The following IQUB variants were observed in gnomAD, a reference collection of about 807,000 sequenced individuals.
The protein encoded by IQUB is IQ motif and ubiquitin domain containing, also known as IQ motif and ubiquitin-like domain-containing protein.
Under a neutral mutation model 86.4 loss-of-function variants are expected in IQUB, and 86 were observed. That is an observed-to-expected ratio of 1.00 (90% CI 0.84 to 1.19). IQUB has a LOEUF of 1.19. IQUB is among the 50% of genes most tolerant of loss of function. IQUB has a pLI of 0.00. For synonymous variants in IQUB, 289 were observed against 304.5 expected (o/e 0.95, Z 0.53); for missense variants, 946 against 916.9 (o/e 1.03, Z -0.41).
intron 8 of IQUB, among the ~76,000 whole-genome samples, chr7:123,479,386 A>G (rs1794895988): frequency 6.6e-6 from 1 of 152,122 alleles, no homozygotes. Flanking sequence ...ATACTAGTCT[A>G]TAGCTATTTC....
chr7:123,524,978 G>A (rs1270992044), intron 1 of IQUB, among the ~76,000 whole-genome samples: 2 of 151,808 alleles, frequency 1.3e-5, no homozygotes, highest in African/African-American at 2.4e-5. Flanking sequence ...TTTGTCTTTG[G>A]TTCTGTTTAT....
In IQUB at chr7:123,514,908, G is replaced by A. The variant is rs183761383; in HGVS notation, c.-4-2564C>T. Among the ~76,000 whole-genome samples, 122 of 152,176 alleles carry A rather than the reference G, an allele frequency of 8.0e-4. 2 individuals are homozygous for A. The East Asian group carries it at 0.022, about 27-fold the overall frequency. ...AATAATGGCCTCCCATTCCAAGGGG[G>A]ACATATTCTTAACCTTAGACTTTGT... On this transcript the variant is annotated intron_variant, in intron 1 of 12. Coordinates refer to ENST00000324698, the MANE Select transcript of IQUB (RefSeq NM_178827.5).
intron 12 of IQUB, among the ~76,000 whole-genome samples, chr7:123,453,817 T>C (rs1444792801): frequency 6.6e-6 from 1 of 152,200 alleles, no homozygotes; most frequent in Non-Finnish European, 1.5e-5. Flanking sequence ...AAAAGTTATA[T>C]TCATTAAATT....
At chr7:123,462,684 G>T in intron 10 of IQUB, 1 of 291,992 alleles carries the variant, frequency 3.4e-6, no homozygotes, top group South Asian at 3.0e-5. Context: ...TACACATTTT[G>T]TTTATCTTGA....
At position 123,452,817 on chromosome 7, in the gene IQUB, T is replaced by C; in HGVS notation, c.2302A>G (p.Ile768Val). The C allele has an allele frequency of 7.4e-6, 12 of 1,613,692 alleles. No homozygotes were observed. The highest frequency in any genetic ancestry group is 2.2e-5 in the South Asian group (2 of 91,044). ...TGATACTTCCATCTGATCTCATCAA[T>C]TTCACCATCATCAAGTATAAATGAA... ...LASFILDDGEIDEIRWKYHSD... is the reference protein window; with the variant it reads ...LASFILDDGEVDEIRWKYHSD... Residue 768 changes from isoleucine to valine, a missense_variant, in exon 13 of 13, where the codon ATT becomes GTT. Ile to Val is a conservative substitution (Grantham distance 29). Coordinates refer to ENST00000324698, the MANE Select transcript of IQUB (RefSeq NM_178827.5).
rs767031909 is a variant in IQUB, at chr7:123,479,940, T to C, written c.1265A>G (p.Asn422Ser). ...FWRQEELTRI[N>S]QSFTGAERKA... is the part of the protein sequence containing the mutation. Reference sequence around the variant, plus strand: ...CCTTTCAGCTCCAGTAAAAGATTGGTTAATACGTGTAAGTTCTTCTTGCCG... The same window carrying C: ...CCTTTCAGCTCCAGTAAAAGATTGGCTAATACGTGTAAGTTCTTCTTGCCG... Residue 422 changes from asparagine to serine, a missense_variant, in exon 8 of 13, where the codon AAC (asparagine) becomes AGC (serine). By Grantham distance (46) the Asn-to-Ser change is conservative. Coordinates refer to ENST00000324698, the MANE Select transcript of IQUB (RefSeq NM_178827.5). The C allele has an allele frequency of 1.1e-5, 17 of 1,611,640 alleles. 1 individual carries two copies. The highest frequency in any genetic ancestry group is 1.7e-4 in the Middle Eastern group (1 of 6,044).
chr7:123,514,592 AT>A (rs1166775858), intron 1 of IQUB, among the ~76,000 whole-genome samples: 2 of 152,166 alleles, frequency 1.3e-5, no homozygotes, highest in African/African-American at 4.8e-5. Context: ...ACTGTTTATA[AT>A]TTGTTTATTT....
At chr7:123,501,685 CTCTTT>C (rs1207616720) in intron 6 of IQUB, 2 of 152,224 alleles carry the variant, frequency 1.3e-5, no homozygotes, top group Non-Finnish European at 2.9e-5. Flanking sequence ...CATTTCCCAT[CTCTTT>C]TAACTTTGTT....
At chr7:123,498,097 GA>G in intron 6 of IQUB, among the ~76,000 whole-genome samples, 5 of 150,816 alleles carry the variant, frequency 3.3e-5, no homozygotes, top group African/African-American at 1.2e-4. Flanking sequence ...CCCCTATCCA[GA>G]AAACTAGGTT....
intron 12 of IQUB, among the ~76,000 whole-genome samples, chr7:123,453,605 G>A (rs1793554249): frequency 1.3e-5 from 2 of 151,992 alleles, no homozygotes. Context: ...GCATGAGAGA[G>A]AAAGCTGAAG....
chr7:123,452,967 T>C (rs368934486), intron 12 of IQUB, 42 bp from the exon 13 acceptor site: 3 of 1,509,754 alleles, frequency 2.0e-6, no homozygotes, highest in African/African-American at 1.4e-5. Context: ...ATCACAGATA[T>C]ATTTTGCCAG....
chr7:123,460,970 A>C (rs1793950263), intron 11 of IQUB, among the ~76,000 whole-genome samples: 1 of 150,508 alleles, frequency 6.6e-6, no homozygotes, highest in Non-Finnish European at 1.5e-5. Context: ...CCTTTCCCTA[A>C]GGTTTTTTTT....
chr7:123,532,836 G>A (rs564505936), intron 1 of IQUB: 6 of 152,386 alleles, frequency 3.9e-5, no homozygotes, highest in African/African-American at 1.4e-4. Flanking sequence ...GCCCCGTCCC[G>A]GGCCGGGGGT....
intron 7 of IQUB, among the ~76,000 whole-genome samples, chr7:123,493,074 T>C (rs766872766): frequency 1.3e-5 from 2 of 152,162 alleles, no homozygotes; most frequent in South Asian, 2.1e-4. Flanking sequence ...CACTCTCCAA[T>C]ATCAAAGAAG....
intron 1 of IQUB, among the ~76,000 whole-genome samples, chr7:123,523,497 T>C (rs1410006955): frequency 6.6e-6 from 1 of 152,216 alleles, no homozygotes; most frequent in East Asian, 1.9e-4. Context: ...TGCATAAATG[T>C]CTTCTTTTGA....
chr7:123,462,705 T>C (rs1232751339), intron 10 of IQUB: 4 of 335,842 alleles, frequency 1.2e-5, no homozygotes, highest in South Asian at 6.9e-5. Flanking sequence ...ATGATTATTT[T>C]ATCTTCATGC....
At chr7:123,463,545 G>A (rs997293346) in intron 10 of IQUB, among the ~76,000 whole-genome samples, 3 of 151,904 alleles carry the variant, frequency 2.0e-5, no homozygotes, top group African/African-American at 7.2e-5. Flanking sequence ...ACTACATATA[G>A]TATGATTCCA....
At chr7:123,462,282 A>G (rs1048671801) in intron 10 of IQUB, among the ~76,000 whole-genome samples, 10 of 151,742 alleles carry the variant, frequency 6.6e-5, no homozygotes, top group African/African-American at 1.9e-4. Context: ...GCAGCAACAG[A>G]GTTTGCATGT....
chr7:123,455,294 C>T (rs1793639549), intron 12 of IQUB, among the ~76,000 whole-genome samples: 1 of 152,038 alleles, frequency 6.6e-6, no homozygotes, highest in South Asian at 2.1e-4. Flanking sequence ...CTATAGACAA[C>T]CTACAGTGCC....
Sources: allele counts gnomAD v4.1 joint callset (sites outside exome capture counted in the v4.1 genomes callset), GRCh38; gene constraint gnomAD v4.1.1; transcripts MANE v1.5; gene names NCBI Gene and HGNC (gene_info 2026-07-23, HGNC 2026-07-21).